COL22A1: variants seen among roughly 807,000 people sequenced by gnomAD.
COL22A1 encodes collagen type XXII alpha 1 chain, also known as collagen alpha-1(XXII) chain.
In COL22A1, 221 loss-of-function variants were observed where a neutral mutation model predicts 248.9. The observed-to-expected ratio is 0.89, with a 90% confidence interval of 0.80 to 0.99. The LOEUF (loss-of-function observed/expected upper bound fraction) is 0.99. Among genes scored for constraint, COL22A1 ranks in the 50% least tolerant of loss-of-function variants. The pLI is 0.00. For synonymous variants in COL22A1, 891 were observed against 793.4 expected (o/e 1.12, Z -2.07); for missense variants, 2,240 against 2,179.0 (o/e 1.03, Z -0.56).
chr8:138,808,186 C>CA (rs1405274061), intron 9 of COL22A1, among the ~76,000 whole-genome samples: 1 of 152,140 alleles, frequency 6.6e-6, no homozygotes, highest in African/African-American at 2.4e-5. Context: ...GGAATACACA[C>CA]ACGTTGTCAA....
intron 4 of COL22A1, among the ~76,000 whole-genome samples, chr8:138,834,889 A>G (rs1701855612): frequency 6.6e-6 from 1 of 152,192 alleles, no homozygotes; most frequent in Non-Finnish European, 1.5e-5. Flanking sequence ...TGGAGCAGGC[A>G]CCAACACAAA....
At chr8:138,755,122 C>T in intron 21 of COL22A1, 35 bp downstream of exon 21, 2 of 1,608,862 alleles carry the variant, frequency 1.2e-6, no homozygotes, top group Admixed American at 3.3e-5. Flanking sequence ...GAGAAGCGTG[C>T]AGAGCAAACC....
At chr8:138,855,488 T>C (rs1462547211) in intron 3 of COL22A1, among the ~76,000 whole-genome samples, 1 of 152,018 alleles carries the variant, frequency 6.6e-6, no homozygotes, top group African/African-American at 2.4e-5. Flanking sequence ...TTTGAACATC[T>C]CCTCCCCGTT....
chr8:138,709,629 G>C (rs923091365), intron 30 of COL22A1, among the ~76,000 whole-genome samples: 2 of 123,174 alleles, frequency 1.6e-5, no homozygotes, highest in South Asian at 3.3e-4. Flanking sequence ...ACACACTGGG[G>C]CCTGTAGTAG....
chr8:138,677,520 T>C (rs1208939496), intron 40 of COL22A1, among the ~76,000 whole-genome samples: 1 of 152,286 alleles, frequency 6.6e-6, no homozygotes. Flanking sequence ...CCACGCCTTA[T>C]TCGTAATTTC....
At chr8:138,806,224 G>A (rs1203860754) in intron 10 of COL22A1, among the ~76,000 whole-genome samples, 3 of 140,524 alleles carry the variant, frequency 2.1e-5, no homozygotes. Context: ...ATGTGTGATG[G>A]GGTATGTGTG....
chr8:138,788,636 G>T (rs541723142), intron 12 of COL22A1, among the ~76,000 whole-genome samples: 42 of 152,226 alleles, frequency 2.8e-4, no homozygotes, highest in African/African-American at 9.9e-4. Flanking sequence ...AGTTACAGAA[G>T]TCCTCCTCAG....
intron 23 of COL22A1, among the ~76,000 whole-genome samples, chr8:138,727,613 C>T (rs1830414839): frequency 6.6e-6 from 1 of 152,170 alleles, no homozygotes; most frequent in African/African-American, 2.4e-5. Context: ...GAACTGTTCC[C>T]CTTTCTCCCT....
intron 30 of COL22A1, among the ~76,000 whole-genome samples, chr8:138,712,501 G>GC (rs1353462400): frequency 1.3e-5 from 2 of 152,150 alleles, no homozygotes; most frequent in African/African-American, 4.8e-5. Context: ...GCATCTATCA[G>GC]CAGGGTGTAT....
intron 12 of COL22A1, among the ~76,000 whole-genome samples, chr8:138,787,763 C>T (rs1462402353): frequency 6.6e-6 from 1 of 152,096 alleles, no homozygotes; most frequent in Admixed American, 6.5e-5. Flanking sequence ...TGTCTTCCAC[C>T]CCTGCCTCTC....
intron 26 of COL22A1, 78 bp from the exon 27 acceptor site, chr8:138,720,870 T>G: frequency 1.6e-4 from 191 of 1,202,178 alleles, no homozygotes; most frequent in Non-Finnish European, 2.2e-4. Flanking sequence ...AGGCACAGGT[T>G]GGAAGGAAGA....
At chr8:138,808,770 A>G (rs909554240) in intron 9 of COL22A1, among the ~76,000 whole-genome samples, 2 of 152,244 alleles carry the variant, frequency 1.3e-5, no homozygotes, top group East Asian at 3.8e-4. Context: ...CAGCTCCGGA[A>G]CACACATTTT....
rs143098050 is a variant in COL22A1 at position 138,772,567 on chromosome 8, G to A, written c.1803+3399C>T. Among the ~76,000 whole-genome samples, 124 of 152,328 alleles carry A rather than the reference G, an allele frequency of 8.1e-4. 1 individual carries two copies. Among genetic ancestry groups the A allele is most frequent in the Admixed American group, 9.8e-4 (15 of 15,304 alleles). ...TGGGTGGGCACGTGACTGAGGCAATGAATAGAATACAGGAACGGATGCGTC... is the reference window on the plus strand; with the variant it reads ...TGGGTGGGCACGTGACTGAGGCAATAAATAGAATACAGGAACGGATGCGTC... On this transcript the variant is annotated intron_variant, in intron 16 of 64. Coordinates refer to ENST00000303045, the MANE Select transcript of COL22A1 (RefSeq NM_152888.3).
intron 62 of COL22A1, among the ~76,000 whole-genome samples, chr8:138,594,660 G>T (rs1817374897): frequency 6.6e-6 from 1 of 152,194 alleles, no homozygotes; most frequent in South Asian, 2.1e-4. Flanking sequence ...GATGCATGTG[G>T]AATAGTGCCT....
chr8:138,797,485 T>G (rs896417791), intron 11 of COL22A1, among the ~76,000 whole-genome samples: 11 of 152,232 alleles, frequency 7.2e-5, no homozygotes, highest in African/African-American at 2.7e-4. Context: ...TACATTTTCT[T>G]CAGGTGACAG....
At chr8:138,807,992 C>T (rs956278734) in intron 9 of COL22A1, among the ~76,000 whole-genome samples, 180 bp from the exon 10 acceptor site, 2 of 152,210 alleles carry the variant, frequency 1.3e-5, no homozygotes, top group Admixed American at 6.5e-5. Context: ...TCTTGAACTG[C>T]AAACCTATAC....
chr8:138,889,152 T>A (rs1329553784), intron 1 of COL22A1, among the ~76,000 whole-genome samples: 1 of 152,096 alleles, frequency 6.6e-6, no homozygotes, highest in Non-Finnish European at 1.5e-5. Context: ...TATGTGTCTC[T>A]CCCCACGTCA....
At chr8:138,615,225 TG>T (rs1819214999) in intron 55 of COL22A1, among the ~76,000 whole-genome samples, 1 of 152,206 alleles carries the variant, frequency 6.6e-6, no homozygotes, top group South Asian at 2.1e-4. Context: ...TTTGTACACC[TG>T]GGGTCAAAAT....
rs570344149 is a variant in COL22A1 at position 138,870,221 on chromosome 8, T to A, written c.658+7529A>T. Reference sequence around the variant, plus strand: ...TGTGGAGCTGTGTACATTGTATGTATGTAGGTGGGTGGGTGTGTCTATGGT... The same window carrying A: ...TGTGGAGCTGTGTACATTGTATGTAAGTAGGTGGGTGGGTGTGTCTATGGT... On this transcript the variant is annotated intron_variant, in intron 3 of 64. Transcript: ENST00000303045. Among the ~76,000 whole-genome samples, 15 of 151,804 alleles carry A rather than the reference T, an allele frequency of 9.9e-5. 1 individual carries two copies. The South Asian group carries it at 2.5e-3, about 25-fold the overall frequency.
Sources: gnomAD v4.1 joint callset for allele counts (sites outside exome capture counted in the v4.1 genomes callset) on GRCh38, gnomAD v4.1.1 for gene constraint, MANE v1.5 for transcripts, NCBI Gene and HGNC (gene_info 2026-07-23, HGNC 2026-07-21) for gene names.